Variants in KIF3C observed in about 807,000 individuals in gnomAD.
KIF3C encodes kinesin family member 3C, also known as kinesin-like protein KIF3C.
In KIF3C, 12 loss-of-function variants were observed where a neutral mutation model predicts 67.7. That is an observed-to-expected ratio of 0.18 (90% CI 0.11 to 0.29). KIF3C has a LOEUF of 0.29. Ranked by LOEUF, KIF3C falls within the 10% of genes least tolerant of loss-of-function variation. The pLI, the probability that KIF3C is intolerant of heterozygous loss-of-function variation, is 1.00. For missense variants in KIF3C, 789 were observed against 1,059.6 expected (o/e 0.74, Z 3.55); for synonymous variants, 393 against 426.2 (o/e 0.92, Z 0.96).
Position 25,954,399 on chromosome 2 carries a change from G to A in KIF3C, c.1771-14C>T, listed in dbSNP as rs772206303. 2 of 1,604,018 alleles carry A rather than the reference G, an allele frequency of 1.2e-6. No individual in the cohort carries two copies. Among genetic ancestry groups the A allele is most frequent in the African/African-American group, 1.3e-5 (1 of 74,850 alleles). ...CTTGGCGTAGAGCTGGGTGGGGACA[G>A]GTGCCACTCAGAGGCTGCTTGGTGT... On this transcript the variant is annotated splice_polypyrimidine_tract_variant and intron_variant, in intron 3 of 7. Transcript: ENST00000264712.
rs751399580 is a variant in KIF3C at position 25,980,795 on chromosome 2, G to C, written c.1123C>G (p.Pro375Ala). 2 of 1,614,224 alleles carry C rather than the reference G, an allele frequency of 1.2e-6. No individual in the cohort carries two copies. The highest frequency in any genetic ancestry group is 1.1e-5 in the South Asian group (1 of 91,082). The change falls in exon 1 of 8, where the codon CCC (proline) becomes GCC (alanine). Residue 375 changes from proline (P) to alanine (A), a missense_variant. Physicochemically the swap from Pro to Ala is conservative, Grantham distance 27 (BLOSUM62 -1). Transcript: ENST00000264712. This position sits in a 1 kb window ranked among gnomAD's most constrained non-coding sequence, Gnocchi z 7.6. ...AATTCCCGCAGCAGTGTGTCCTTGG[G>C]GTCCTCGTTCACCCGGGGCTTGTTC... is the stretch of plus-strand genomic sequence containing the variant. ...IKNKPRVNED[P>A]KDTLLREFQE...
At chr2:25,963,083 T>C (rs1473070278) in intron 1 of KIF3C, among the ~76,000 whole-genome samples, 5 of 99,368 alleles carry the variant, frequency 5.0e-5, no homozygotes, top group South Asian at 2.6e-4. Context: ...TACACACACA[T>C]ATATGCATAT....
At chr2:25,932,003 G>GT (rs775155142) in intron 5 of KIF3C, among the ~76,000 whole-genome samples, 10,409 of 96,154 alleles carry the variant, frequency 0.11, 752 homozygotes, top group African/African-American at 0.19. Flanking sequence ...CTTCTGTTTT[G>GT]TTTTTTTTTT....
chr2:25,932,747 T>C (rs1038380921), intron 5 of KIF3C, among the ~76,000 whole-genome samples: 2 of 151,558 alleles, frequency 1.3e-5, no homozygotes, highest in Non-Finnish European at 2.9e-5. Context: ...GCAGGAGAAT[T>C]GCTTGAACCC....
chr2:25,966,353 A>G (rs887264552), intron 1 of KIF3C, among the ~76,000 whole-genome samples: 2 of 152,012 alleles, frequency 1.3e-5, no homozygotes, highest in Non-Finnish European at 2.9e-5. Context: ...TGATCCACCC[A>G]CCTTGACCTT....
intron 1 of KIF3C, among the ~76,000 whole-genome samples, chr2:25,967,172 TCTG>T (rs1000610918): frequency 2.2e-4 from 33 of 152,206 alleles, no homozygotes; most frequent in African/African-American, 8.0e-4. Context: ...TAGGCAGGGC[TCTG>T]CTGCTGCTGC....
intron 5 of KIF3C, among the ~76,000 whole-genome samples, chr2:25,933,315 T>C (rs971249516): frequency 6.6e-6 from 1 of 150,936 alleles, no homozygotes; most frequent in African/African-American, 2.4e-5. Flanking sequence ...GATATACAAA[T>C]GGTTGATAAG....
chr2:25,978,822 C>T (rs1021235432), intron 1 of KIF3C, among the ~76,000 whole-genome samples: 2 of 151,998 alleles, frequency 1.3e-5, no homozygotes, highest in South Asian at 2.1e-4. Context: ...TTCCCTCCCT[C>T]CTAGGGAGGG....
At chr2:25,961,683 C>T (rs1050378985) in intron 1 of KIF3C, among the ~76,000 whole-genome samples, 1 of 152,132 alleles carries the variant, frequency 6.6e-6, no homozygotes, top group Admixed American at 6.5e-5. Context: ...TTTTTAGAAA[C>T]AAAACATTGT....
chr2:25,981,913 G>T lies in KIF3C; in HGVS notation c.5C>A (p.Ala2Asp). Residue 2 changes from alanine (A) to aspartate (D), a missense_variant, in exon 1 of 8, where the codon GCC becomes GAC. Around this residue, in one of 2 missense-constraint regions of KIF3C, gnomAD observed 141 missense variants for 251.8 expected, o/e 0.56. Coordinates refer to ENST00000264712, the MANE Select transcript of KIF3C (RefSeq NM_002254.8). The surrounding 1 kb of genome is among the most constrained non-coding windows in gnomAD (Gnocchi z 8.2). ...GGCCTCGCTGGCCTTGGTCTTACTG[G>T]CCATCTTGCTGCTCTGACCTTCCTG... is the stretch of plus-strand genomic sequence containing the variant. M[A>D]SKTKASEALK... The T allele has an allele frequency of 3.2e-6, 5 of 1,545,492 alleles. No homozygotes were observed. Among genetic ancestry groups the T allele is most frequent in the Non-Finnish European group, 4.4e-6 (5 of 1,149,044 alleles).
chr2:25,968,832 T>C (rs1664206990), intron 1 of KIF3C, among the ~76,000 whole-genome samples: 1 of 152,074 alleles, frequency 6.6e-6, no homozygotes, highest in East Asian at 1.9e-4. Flanking sequence ...TTTTTTTTTT[T>C]TTCTTTTTTG....
rs377280135 is a variant in KIF3C at position 25,981,100 on chromosome 2, C to A, written c.818G>T (p.Gly273Val). 1 of 1,614,090 alleles carries A rather than the reference C, an allele frequency of 6.2e-7. No homozygotes were observed. The highest frequency in any genetic ancestry group is 1.3e-5 in the African/African-American group (1 of 74,932). Residue 273 changes from glycine (G) to valine (V), a missense_variant, in exon 1 of 8, where the codon GGT (glycine) becomes GTT (valine). Physicochemically the swap from Gly to Val is moderately radical, Grantham distance 109 (BLOSUM62 -3). This residue lies in a region of KIF3C where 648 missense variants were observed against 807.8 expected (regional missense o/e 0.80). Transcript: ENST00000264712. The surrounding 1 kb of genome is among the most constrained non-coding windows in gnomAD (Gnocchi z 8.2). ...ACCACCACCACTGCCTCCACCGCCA[C>A]CACCGCCACCCGAGGATGGTGTGGC... ...GAATPSSGGG[G>V]GGGGSGGGAG...
At chr2:25,952,959 T>C (rs189396090) in intron 4 of KIF3C, among the ~76,000 whole-genome samples, 33 of 152,202 alleles carry the variant, frequency 2.2e-4, no homozygotes, top group African/African-American at 7.5e-4. Context: ...TAGTTCACAT[T>C]GCACACCTGT....
At chr2:25,948,606 G>T in intron 5 of KIF3C, among the ~76,000 whole-genome samples, 1 of 133,170 alleles carries the variant, frequency 7.5e-6, no homozygotes, top group African/African-American at 3.1e-5. Context: ...GAGAAAGAAA[G>T]AAAGAGAAAG....
Position 25,934,747 on chromosome 2 carries a change from A to G in KIF3C, c.2007-4684T>C, listed in dbSNP as rs543152761. Reference sequence around the variant, plus strand: ...CTTATGATAGGTCAACTACATCTCAACAGAGCTGTTATTTAAACAATGAAC... The same window carrying G: ...CTTATGATAGGTCAACTACATCTCAGCAGAGCTGTTATTTAAACAATGAAC... On this transcript the variant is annotated intron_variant, in intron 5 of 7. Coordinates refer to ENST00000264712, the MANE Select transcript of KIF3C (RefSeq NM_002254.8). Among the ~76,000 whole-genome samples the G allele has an allele frequency of 4.6e-5, 7 of 152,176 alleles. No homozygotes were observed. The South Asian group carries it at 1.0e-3, about 23-fold the overall frequency.
In KIF3C at chr2:25,980,785, G is replaced by C; in HGVS notation, c.1133C>G (p.Thr378Arg). The C allele has an allele frequency of 6.2e-7, 1 of 1,614,198 alleles. No individual in the cohort carries two copies. Among genetic ancestry groups the C allele is most frequent in the East Asian group, 2.2e-5 (1 of 44,880 alleles). The change falls in exon 1 of 8, where the codon ACA becomes AGA. Residue 378 changes from threonine to arginine, a missense_variant. Around this residue, in one of 2 missense-constraint regions of KIF3C, gnomAD observed 648 missense variants for 807.8 expected, o/e 0.80. Coordinates refer to ENST00000264712, the MANE Select transcript of KIF3C (RefSeq NM_002254.8). The surrounding 1 kb of genome is among the most constrained non-coding windows in gnomAD (Gnocchi z 7.6). ...KPRVNEDPKD[T>R]LLREFQEEIA... ...CTCCTCTTGGAATTCCCGCAGCAGTGTGTCCTTGGGGTCCTCGTTCACCCG... is the reference window on the plus strand; with the variant it reads ...CTCCTCTTGGAATTCCCGCAGCAGTCTGTCCTTGGGGTCCTCGTTCACCCG...
At chr2:25,934,175 T>G in intron 5 of KIF3C, 1 of 470,948 alleles carries the variant, frequency 2.1e-6, no homozygotes, top group Non-Finnish European at 4.4e-6. Context: ...GGTAAAGCCA[T>G]AGAAACAGAA....
At chr2:25,949,105 G>A (rs181950527) in intron 5 of KIF3C, among the ~76,000 whole-genome samples, 5 of 152,260 alleles carry the variant, frequency 3.3e-5, no homozygotes, top group Admixed American at 3.3e-4. Context: ...TCATTGCACT[G>A]TGGAACACGA....
intron 1 of KIF3C, among the ~76,000 whole-genome samples, chr2:25,972,944 T>C (rs1293364797): frequency 6.6e-6 from 1 of 152,200 alleles, no homozygotes; most frequent in Non-Finnish European, 1.5e-5. Context: ...TGTCTTTGAC[T>C]CTTCTCTAAC....
Sources: allele counts gnomAD v4.1 joint callset (sites outside exome capture counted in the v4.1 genomes callset), GRCh38; gene constraint gnomAD v4.1.1; regional missense constraint gnomAD v4.1.1; non-coding constraint Gnocchi (gnomAD v3.1); transcripts MANE v1.5; gene names NCBI Gene and HGNC (gene_info 2026-07-23, HGNC 2026-07-21).